The following PTPRG variants were observed in gnomAD, a reference collection of about 807,000 sequenced individuals.
The protein encoded by PTPRG is receptor-type tyrosine-protein phosphatase gamma.
PTPRG carries 102 observed loss-of-function variants against 165.3 expected under a neutral mutation model. The observed-to-expected ratio is 0.62, with a 90% CI of 0.53 to 0.73. PTPRG has a LOEUF of 0.73. Ranked by LOEUF, PTPRG falls within the 30% of genes least tolerant of loss-of-function variation. The pLI, the probability that PTPRG is intolerant of heterozygous loss-of-function variation, is 0.00. For synonymous variants in PTPRG, 675 were observed against 669.5 expected, an observed-to-expected ratio of 1.01 and a Z score of -0.13; for missense variants, 1,866 against 1,861.4, an observed-to-expected ratio of 1.00 and a Z score of -0.05.
chr3:61,883,011 C>T (rs2037931499), intron 2 of PTPRG, among the ~76,000 whole-genome samples: 1 of 152,182 alleles, frequency 6.6e-6, no homozygotes. Flanking sequence ...TTGCAACCTT[C>T]AACCCCTGTG....
intron 7 of PTPRG, among the ~76,000 whole-genome samples, chr3:62,158,871 T>G (rs1408063306): frequency 6.6e-6 from 1 of 152,016 alleles, no homozygotes; most frequent in Non-Finnish European, 1.5e-5. Flanking sequence ...AAGGAGATAA[T>G]GAAATAAGAA....
At chr3:62,124,494 T>C (rs1703210282) in intron 5 of PTPRG, 3 of 1,602,458 alleles carry the variant, frequency 1.9e-6, no homozygotes, top group Non-Finnish European at 2.6e-6. Flanking sequence ...CAGTCATTCA[T>C]GTTTTACAGC....
At chr3:61,904,178 T>C (rs1575769375) in intron 2 of PTPRG, among the ~76,000 whole-genome samples, 2 of 152,154 alleles carry the variant, frequency 1.3e-5, no homozygotes, top group Admixed American at 1.3e-4. Context: ...AACACCCAAG[T>C]GCAGCTGCAG....
chr3:61,931,211 C>T (rs1173371988), intron 2 of PTPRG, among the ~76,000 whole-genome samples: 3 of 152,306 alleles, frequency 2.0e-5, no homozygotes, highest in African/African-American at 4.8e-5. Context: ...TTCTGATTTG[C>T]ATTCTTGTTC....
chr3:62,037,887 T>A (rs1327371948), intron 4 of PTPRG, among the ~76,000 whole-genome samples: 1 of 152,188 alleles, frequency 6.6e-6, no homozygotes, highest in Non-Finnish European at 1.5e-5. Flanking sequence ...TGTCATGACC[T>A]CATCTAACCC....
At chr3:61,672,589 G>A (rs960715430) in intron 1 of PTPRG, among the ~76,000 whole-genome samples, 8 of 55,902 alleles carry the variant, frequency 1.4e-4, no homozygotes, top group South Asian at 9.1e-4. Context: ...GCATGGCGGC[G>A]CCGCCTGCAA....
intron 1 of PTPRG, among the ~76,000 whole-genome samples, chr3:61,627,539 C>T (rs1362438112): frequency 6.6e-6 from 1 of 151,930 alleles, no homozygotes; most frequent in Non-Finnish European, 1.5e-5. Flanking sequence ...ACCTTTTTAC[C>T]TCAAAGTAAT....
At chr3:61,683,496 C>G (rs1450017257) in intron 1 of PTPRG, among the ~76,000 whole-genome samples, 2 of 152,208 alleles carry the variant, frequency 1.3e-5, no homozygotes, top group Non-Finnish European at 2.9e-5. Flanking sequence ...GCAGCCAAAT[C>G]CCTCTCTACA....
intron 12 of PTPRG, among the ~76,000 whole-genome samples, chr3:62,207,337 A>G (rs1700255204): frequency 6.6e-6 from 1 of 152,250 alleles, no homozygotes; most frequent in African/African-American, 2.4e-5. Flanking sequence ...AGAAATCTGC[A>G]TGTGCCTGTT....
intron 1 of PTPRG, among the ~76,000 whole-genome samples, chr3:61,601,612 T>C (rs1188356855): frequency 6.6e-6 from 1 of 152,252 alleles, no homozygotes; most frequent in Non-Finnish European, 1.5e-5. Context: ...TTTCTCTTTA[T>C]CCATCCATCT....
At position 62,269,132 on chromosome 3, in the gene PTPRG, TTCG is replaced by T; in HGVS notation, c.2977_2979del (p.Arg993del). 6.3e-7 allele frequency: 1 copy of T among 1,595,790 alleles called. No individual in the cohort carries two copies. ...ACAAAAATACATGCCTGCTACACTGTTCGTCGTTTTTCAATCAGAAATACAAAA... is the reference window on the plus strand; with the variant it reads ...ACAAAAATACATGCCTGCTACACTGTTCGTTTTTCAATCAGAAATACAAAA... On this transcript the variant is annotated inframe_deletion, in exon 20 of 30. Transcript: ENST00000474889.
At chr3:61,648,229 A>C (rs1702258483) in intron 1 of PTPRG, among the ~76,000 whole-genome samples, 1 of 152,230 alleles carries the variant, frequency 6.6e-6, no homozygotes, top group Non-Finnish European at 1.5e-5. Flanking sequence ...ATTCGTTAAC[A>C]TAGTTGTCCA....
chr3:61,847,155 A>G (rs7427948), intron 2 of PTPRG, among the ~76,000 whole-genome samples: 18,345 of 152,144 alleles, frequency 0.12, 1,918 homozygotes, highest in African/African-American at 0.28. Context: ...ATGAGTTAAG[A>G]TGATGCCATA....
At chr3:61,653,114 A>G (rs1461348491) in intron 1 of PTPRG, among the ~76,000 whole-genome samples, 2 of 152,206 alleles carry the variant, frequency 1.3e-5, no homozygotes, top group African/African-American at 2.4e-5. Flanking sequence ...AGAAGAGACA[A>G]TTTAAAAAAT....
chr3:61,780,567 A>G (rs1254363855), intron 2 of PTPRG, among the ~76,000 whole-genome samples: 1 of 152,196 alleles, frequency 6.6e-6, no homozygotes, highest in Non-Finnish European at 1.5e-5. Context: ...ATCACAGTGC[A>G]CACATTCTGA....
At chr3:62,108,327 G>A (rs538138366) in intron 5 of PTPRG, among the ~76,000 whole-genome samples, 70 of 152,218 alleles carry the variant, frequency 4.6e-4, no homozygotes, top group African/African-American at 1.6e-3. Context: ...AGTTTGCTGA[G>A]AATGATGGTT....
At chr3:62,070,978 C>T (rs1230408219) in intron 4 of PTPRG, among the ~76,000 whole-genome samples, 6 of 152,028 alleles carry the variant, frequency 3.9e-5, no homozygotes, top group African/African-American at 1.5e-4. Flanking sequence ...TTTCCACCTC[C>T]TCAGTTCTGT....
chr3:61,610,773 A>ACCCCCCCCCCCCCCCCCCCC (rs1553640600), intron 1 of PTPRG, among the ~76,000 whole-genome samples: 1 of 42,664 alleles, frequency 2.3e-5, no homozygotes, highest in African/African-American at 6.0e-5. Context: ...CTCCCTCCCT[A>ACCCCCCCCCCCCCCCCCCCC]CCTCCCTCCC....
At chr3:62,200,929 A>G (rs77121889) in intron 10 of PTPRG, among the ~76,000 whole-genome samples, 1 of 152,238 alleles carries the variant, frequency 6.6e-6, no homozygotes, top group East Asian at 1.9e-4. Context: ...AAAAAGGATA[A>G]GAAATCATGA....
Sources: gnomAD v4.1 joint callset for allele counts (sites outside exome capture counted in the v4.1 genomes callset) on GRCh38, gnomAD v4.1.1 for gene constraint, MANE v1.5 for transcripts, NCBI Gene and HGNC (gene_info 2026-07-23, HGNC 2026-07-21) for gene names.